MAMLD1: variants seen among roughly 807,000 people sequenced by gnomAD.
MAMLD1 encodes mastermind like domain containing 1.
In MAMLD1, 14 loss-of-function variants were observed where a neutral mutation model predicts 45.0. That is an observed-to-expected ratio of 0.31 (90% CI 0.21 to 0.49). MAMLD1 has a LOEUF of 0.49. Ranked by LOEUF, MAMLD1 falls within the 20% of genes least tolerant of loss-of-function variation. The pLI is 0.99. For missense variants in MAMLD1, 543 were observed against 603.6 expected, an observed-to-expected ratio of 0.90 and a Z score of 1.05; for synonymous variants, 254 against 247.8, an observed-to-expected ratio of 1.02 and a Z score of -0.24.
chrX:150,370,423 A>G (rs188984247), intron 1 of MAMLD1, among the ~76,000 whole-genome samples: 106 of 112,172 alleles, frequency 9.4e-4, no homozygotes, highest in Non-Finnish European at 1.6e-3. Flanking sequence ...TTGTTGTGTC[A>G]TTGTTGTTCT....
chrX:150,408,322 A>G (rs2034045980), intron 1 of MAMLD1, among the ~76,000 whole-genome samples: 2 of 111,564 alleles, frequency 1.8e-5, no homozygotes, highest in Non-Finnish European at 3.8e-5. Flanking sequence ...TCAGGGGCAA[A>G]AACATTAAAT....
rs781904160 is a variant in MAMLD1, at chrX:150,394,129, C to CTTTTTTTTTTT, written c.-64+30614_-64+30624dup. Among the ~76,000 whole-genome samples the CTTTTTTTTTTT allele has an allele frequency of 3.3e-3, 40 of 12,265 alleles. 3 individuals are homozygous for CTTTTTTTTTTT. The highest frequency in any genetic ancestry group is 0.015 in the South Asian group (1 of 65). The allele number at this position is 12,265 out of a possible 115,157, so 10.7% of individuals were successfully genotyped here. A position where few individuals can be genotyped will look rare whatever the true frequency, so the allele number is the denominator to read the frequency against. On this transcript the variant is annotated intron_variant, in intron 1 of 7. Transcript: ENST00000370401. ...GGGGTGTAAGGTCTATATCTACATC[C>CTTTTTTTTTTT]TTTTTTTTTTTTTTTTTTTTTTTTT... is the stretch of plus-strand genomic sequence containing the variant.
At chrX:150,410,984 T>TG (rs1557402807) in intron 1 of MAMLD1, among the ~76,000 whole-genome samples, 29,358 of 111,221 alleles carry the variant, frequency 0.26, 3,795 homozygotes, top group African/African-American at 0.51. Context: ...GAAGTTTTTT[T>TG]TGATTTTTTT....
intron 1 of MAMLD1, among the ~76,000 whole-genome samples, chrX:150,402,500 G>T (rs1332039661): frequency 1.8e-5 from 2 of 111,607 alleles, no homozygotes; most frequent in African/African-American, 6.6e-5. Flanking sequence ...CAACCATTGT[G>T]GAAGTCAGTG....
chrX:150,381,747 T>G, intron 1 of MAMLD1, among the ~76,000 whole-genome samples: 1 of 112,449 alleles, frequency 8.9e-6, no homozygotes, highest in Middle Eastern at 4.6e-3. Flanking sequence ...ATTGTCATAT[T>G]AATTTGCATT....
At chrX:150,457,304 C>G (rs2035898650) in intron 2 of MAMLD1, among the ~76,000 whole-genome samples, 1 of 112,183 alleles carries the variant, frequency 8.9e-6, no homozygotes, top group Non-Finnish European at 1.9e-5. Context: ...AGAGATTTCT[C>G]TGCCAGTCTG....
At chrX:150,386,976 A>C (rs934985614) in intron 1 of MAMLD1, among the ~76,000 whole-genome samples, 1 of 111,384 alleles carries the variant, frequency 9.0e-6, no homozygotes, top group East Asian at 2.8e-4. Context: ...ATTACTCAAA[A>C]ATTTTCAGCA....
Position 150,473,704 on chromosome X carries a change from A to G in MAMLD1, c.1942A>G (p.Thr648Ala). 1 of 1,209,960 alleles carries G rather than the reference A, an allele frequency of 8.3e-7. No homozygotes were observed. The highest frequency in any genetic ancestry group is 3.0e-5 in the East Asian group (1 of 33,821). ...RQGCCHLFAW[T>A]SAASSVKPQH... Reference sequence around the variant, plus strand: ...GGGCTGTTGCCATCTGTTTGCATGGACTTCTGCAGCTAGCTCGGTGAAGCC... The same window carrying G: ...GGGCTGTTGCCATCTGTTTGCATGGGCTTCTGCAGCTAGCTCGGTGAAGCC... Residue 648 changes from threonine (T) to alanine (A), a missense_variant, in exon 5 of 8, where the codon ACT becomes GCT. Physicochemically the swap from Thr to Ala is moderately conservative, Grantham distance 58. Transcript: ENST00000370401.
intron 5 of MAMLD1, among the ~76,000 whole-genome samples, chrX:150,484,720 A>C (rs1305273274): frequency 2.7e-5 from 3 of 112,456 alleles, no homozygotes; most frequent in African/African-American, 9.7e-5. Context: ...GGTCTCAGGA[A>C]CTTAAAAGAC....
At chrX:150,481,961 GAAA>G (rs782400132) in intron 5 of MAMLD1, among the ~76,000 whole-genome samples, 56 of 58,191 alleles carry the variant, frequency 9.6e-4, no homozygotes, top group African/African-American at 4.7e-3. Context: ...AAGAAAGAAA[GAAA>G]AAAGAAAGAA....
At chrX:150,483,564 A>G (rs1441817109) in intron 5 of MAMLD1, among the ~76,000 whole-genome samples, 4 of 112,728 alleles carry the variant, frequency 3.5e-5, no homozygotes, top group African/African-American at 1.3e-4. Flanking sequence ...ATATTCTTGC[A>G]CTGGGCAGAA....
chrX:150,402,966 A>C (rs12399231), intron 1 of MAMLD1, among the ~76,000 whole-genome samples: 1 of 110,529 alleles, frequency 9.0e-6, no homozygotes, highest in African/African-American at 3.3e-5. Context: ...AGATATACCT[A>C]ATGCTAGATG....
At chrX:150,437,273 G>A (rs1388874506) in intron 1 of MAMLD1, among the ~76,000 whole-genome samples, 2 of 111,759 alleles carry the variant, frequency 1.8e-5, no homozygotes, top group Admixed American at 1.9e-4. Flanking sequence ...TAGGTGCAGG[G>A]GTTGCCAGCC....
chrX:150,443,228 C>CTTT (rs56969373), intron 1 of MAMLD1, among the ~76,000 whole-genome samples: 1 of 83,846 alleles, frequency 1.2e-5, no homozygotes, highest in Admixed American at 1.3e-4. Flanking sequence ...TCTTTGAATA[C>CTTT]TTTTTTTTTT....
At chrX:150,393,940 G>A (rs2033295182) in intron 1 of MAMLD1, among the ~76,000 whole-genome samples, 1 of 110,305 alleles carries the variant, frequency 9.1e-6, no homozygotes, top group Admixed American at 9.6e-5. Context: ...ATGAAGTCCA[G>A]GTTATTAATT....
chrX:150,375,226 T>C, intron 1 of MAMLD1, among the ~76,000 whole-genome samples: 1 of 111,906 alleles, frequency 8.9e-6, no homozygotes, highest in East Asian at 2.8e-4. Context: ...TGACAAGTCA[T>C]GAAGACATTT....
chrX:150,464,234 G>A (rs1557405774), intron 3 of MAMLD1, among the ~76,000 whole-genome samples: 3 of 111,584 alleles, frequency 2.7e-5, no homozygotes, highest in Non-Finnish European at 5.6e-5. Flanking sequence ...TGCCTGCATC[G>A]AGTGCTGGTT....
At chrX:150,391,338 C>A (rs184360235) in intron 1 of MAMLD1, among the ~76,000 whole-genome samples, 1 of 110,261 alleles carries the variant, frequency 9.1e-6, no homozygotes, top group Admixed American at 9.6e-5. Context: ...GATCCCTGAG[C>A]CCCCTCTTCT....
At chrX:150,475,040 C>T (rs781806200) in intron 5 of MAMLD1, among the ~76,000 whole-genome samples, 4 of 112,165 alleles carry the variant, frequency 3.6e-5, no homozygotes, top group African/African-American at 9.7e-5. Context: ...TTCCCACTTC[C>T]AGCAGGCTAA....
Sources: gnomAD v4.1 joint callset for allele counts (sites outside exome capture counted in the v4.1 genomes callset) on GRCh38, gnomAD v4.1.1 for gene constraint, MANE v1.5 for transcripts, NCBI Gene and HGNC (gene_info 2026-07-23, HGNC 2026-07-21) for gene names.